The following SDK2 variants were observed in gnomAD, a reference collection of about 807,000 sequenced individuals.
SDK2 encodes protein sidekick-2.
Under a neutral mutation model 253.9 loss-of-function variants are expected in SDK2, and 105 were observed. That is an observed-to-expected ratio of 0.41 (90% CI 0.35 to 0.49). The LOEUF (loss-of-function observed/expected upper bound fraction) is 0.49, where lower values mean the gene tolerates loss of function less well. Among genes scored for constraint, SDK2 ranks in the 20% least tolerant of loss-of-function variants. The pLI, the probability that SDK2 is intolerant of heterozygous loss-of-function variation, is 0.06. For missense variants in SDK2, 2,608 were observed against 3,003.0 expected (o/e 0.87, Z 3.07); for synonymous variants, 1,249 against 1,234.9 (o/e 1.01, Z -0.24).
At chr17:73,494,144 C>T (rs1453862057) in intron 2 of SDK2, among the ~76,000 whole-genome samples, 3 of 152,212 alleles carry the variant, frequency 2.0e-5, no homozygotes, top group South Asian at 4.1e-4. Flanking sequence ...ACCTTTGCCT[C>T]TGATCACGCC....
At position 73,419,280 on chromosome 17, in the gene SDK2, G is replaced by A. The variant is rs756473256; in HGVS notation, c.2072C>T (p.Thr691Met). The A allele has an allele frequency of 8.7e-6, 14 of 1,612,860 alleles. No homozygotes were observed. Among genetic ancestry groups the A allele is most frequent in the Middle Eastern group, 1.7e-4 (1 of 6,060 alleles). Residue 691 changes from threonine to methionine, a missense_variant, in exon 16 of 45, where the codon ACG (threonine) becomes ATG (methionine). By Grantham distance (81) the Thr-to-Met change is moderately conservative. Around this residue, in one of 2 missense-constraint regions of SDK2, gnomAD observed 1,505 missense variants for 1,859.1 expected, o/e 0.81. Transcript: ENST00000392650. ...GGCGATGACGTTCTGTGGAGGGGCC[G>A]TGGGGGGCTCCTCGGGGAGGGAGAC... ...ERVSLPEEPP[T>M]APPQNVIASG... is the part of the protein sequence containing the mutation.
intron 36 of SDK2, among the ~76,000 whole-genome samples, chr17:73,376,672 A>C (rs1455500370): frequency 6.6e-6 from 1 of 151,834 alleles, no homozygotes; most frequent in Non-Finnish European, 1.5e-5. Flanking sequence ...TCTGTCTATT[A>C]ACTCACCACT....
rs145662298 is a variant in SDK2, at chr17:73,424,057, G to A, written c.1619C>T (p.Thr540Met). The change falls in exon 13 of 45, where the codon ACG becomes ATG. Residue 540 changes from threonine (T) to methionine (M), a missense_variant. By Grantham distance (81) the Thr-to-Met change is moderately conservative (BLOSUM62 -1). This residue lies in a region of SDK2 where 1,505 missense variants were observed against 1,859.1 expected (regional missense o/e 0.81). Transcript: ENST00000392650. ...IWEKDGATLG[T>M]ESHPRIRLDR... ...CAGGCGGATACGAGGATGGCTCTCC[G>A]TGCCCAGGGTGGCCCCGTCCTTCTC... The A allele has an allele frequency of 5.1e-5, 82 of 1,612,878 alleles. No individual in the cohort carries two copies. The African/African-American group carries it at 5.6e-4, about 11-fold the overall frequency.
In SDK2 at chr17:73,391,220, A is replaced by G. The variant is rs542051664; in HGVS notation, c.3997+220T>C. ...ACATTTGGGGACGCAAAGCCAACCC[A>G]TGACTCTTAAGGGACTTCAACTCTG... is the stretch of plus-strand genomic sequence containing the variant. On this transcript the variant is annotated intron_variant, in intron 28 of 44. Transcript: ENST00000392650. 1.8e-4 allele frequency among the ~76,000 whole-genome samples: 28 copies of G among 152,280 alleles called. No individual in the cohort carries two copies. The South Asian group carries it at 5.8e-3, about 32-fold the overall frequency.
chr17:73,342,504 G>C (rs1419419456), intron 44 of SDK2, among the ~76,000 whole-genome samples: 1 of 152,202 alleles, frequency 6.6e-6, no homozygotes, highest in Admixed American at 6.5e-5. Context: ...ATCCCGCCCA[G>C]GAACAGTGAG....
chr17:73,350,677 T>C lies in SDK2; in HGVS notation c.5872A>G (p.Lys1958Glu). The change falls in exon 42 of 45, where the codon AAG (lysine) becomes GAG (glutamate). Residue 1958 changes from lysine to glutamate, a missense_variant. Around this residue, in one of 2 missense-constraint regions of SDK2, gnomAD observed 1,103 missense variants for 1,143.9 expected, o/e 0.96. Coordinates refer to ENST00000392650, the MANE Select transcript of SDK2 (RefSeq NM_001144952.2). ...GAGTCTGTCTTCTTGGCGTACTTCT[T>C]GCTCTGGCCCCGGATGATGAGCACG... is the stretch of plus-strand genomic sequence containing the variant. ...VFVLIIRGQS[K>E]KYAKKTDSGN... 6.2e-7 allele frequency: 1 copy of C among 1,613,142 alleles called. No individual in the cohort carries two copies. Among genetic ancestry groups the C allele is most frequent in the Non-Finnish European group, 8.5e-7 (1 of 1,179,572 alleles).
intron 1 of SDK2, chr17:73,517,039 A>G (rs1306817793): frequency 2.0e-5 from 3 of 152,190 alleles, no homozygotes; most frequent in African/African-American, 7.2e-5. Flanking sequence ...TCCAGCCAAA[A>G]AAGTCACAGA....
chr17:73,539,505 TG>T (rs983752032), intron 1 of SDK2, among the ~76,000 whole-genome samples: 1 of 15,794 alleles, frequency 6.3e-5, no homozygotes, highest in African/African-American at 2.7e-4. Context: ...GAGAGGGAGC[TG>T]GGGGGTGGTG....
At chr17:73,560,098 A>T (rs1382260227) in intron 1 of SDK2, among the ~76,000 whole-genome samples, 3 of 152,208 alleles carry the variant, frequency 2.0e-5, no homozygotes, top group Non-Finnish European at 4.4e-5. Context: ...ACCCGCACAC[A>T]GAGCCAGGTT....
rs113163529 is a variant in SDK2 at position 73,534,896 on chromosome 17, C to A, written c.65-27299G>T. Among the ~76,000 whole-genome samples, 1 of 152,170 alleles carries A rather than the reference C, an allele frequency of 6.6e-6. No homozygotes were observed. On this transcript the variant is annotated intron_variant, in intron 1 of 44. Coordinates refer to ENST00000392650, the MANE Select transcript of SDK2 (RefSeq NM_001144952.2). The surrounding 1 kb of genome is among the most constrained non-coding windows in gnomAD (Gnocchi z 4.9). ...GTGGGGATACTGGATACTCTGCGAT[C>A]GGCCGATCAGCCCGCTACTGGGTCT...
rs537249521 is a variant in SDK2 at position 73,542,619 on chromosome 17, G to T, written c.65-35022C>A. On this transcript the variant is annotated intron_variant, in intron 1 of 44. Transcript: ENST00000392650. The stretch of plus-strand genomic sequence containing the variant: ...CTCAACGAGGAGGGGTGGAGGCAGG[G>T]CAGGATTATGAGGCAGCAAGGGGAG... Among the ~76,000 whole-genome samples, 7 of 152,268 alleles carry T rather than the reference G, an allele frequency of 4.6e-5. No homozygotes were observed. The East Asian group carries it at 1.2e-3, about 25-fold the overall frequency.
chr17:73,370,962 G>A (rs1450083177), intron 36 of SDK2, among the ~76,000 whole-genome samples: 2 of 152,056 alleles, frequency 1.3e-5, no homozygotes, highest in Non-Finnish European at 2.9e-5. Context: ...TACTTGGGAG[G>A]CTGAGGCAGG....
At chr17:73,393,284 G>T (rs143271559) in intron 27 of SDK2, among the ~76,000 whole-genome samples, 1 of 151,552 alleles carries the variant, frequency 6.6e-6, no homozygotes, top group South Asian at 2.1e-4. Context: ...ATTAAAACGG[G>T]TGCAAGTCCC....
chr17:73,339,143 C>T (rs905046410), intron 44 of SDK2, among the ~76,000 whole-genome samples: 2 of 152,112 alleles, frequency 1.3e-5, no homozygotes, highest in South Asian at 2.1e-4. Context: ...ACAGCAGATC[C>T]GGAACCGGAA....
chr17:73,374,833 T>C (rs1404619277), intron 36 of SDK2, among the ~76,000 whole-genome samples: 2 of 152,282 alleles, frequency 1.3e-5, no homozygotes, highest in East Asian at 3.9e-4. Context: ...CTTCTCACTC[T>C]GCTCTCACCT....
At chr17:73,519,324 T>C (rs1486021548) in intron 1 of SDK2, 1 of 152,304 alleles carries the variant, frequency 6.6e-6, no homozygotes, top group African/African-American at 2.4e-5. Flanking sequence ...TGGGGGAAGA[T>C]GGGAGCTAGG....
intron 36 of SDK2, chr17:73,369,011 C>CA (rs56761775): frequency 0.15 from 38,914 of 254,192 alleles, 3,068 homozygotes; most frequent in African/African-American, 0.39. Context: ...GACTCCATCT[C>CA]AAAAAAAAAA....
intron 1 of SDK2, among the ~76,000 whole-genome samples, chr17:73,543,745 C>A (rs1041676474): frequency 1.3e-5 from 2 of 152,230 alleles, no homozygotes; most frequent in African/African-American, 4.8e-5. Flanking sequence ...CAGCTTCCAA[C>A]TAGGAGAGGC....
At chr17:73,355,176 T>TATATATATATATATATATATATA (rs1568363071) in intron 40 of SDK2, among the ~76,000 whole-genome samples, 1 of 5,784 alleles carries the variant, frequency 1.7e-4, no homozygotes, top group South Asian at 6.9e-3. Context: ...ATATATATAT[T>TATATATATATATATATATATATA]TTTTTTTTTT....
Sources: allele counts gnomAD v4.1 joint callset (sites outside exome capture counted in the v4.1 genomes callset), GRCh38; gene constraint gnomAD v4.1.1; regional missense constraint gnomAD v4.1.1; non-coding constraint Gnocchi (gnomAD v3.1); transcripts MANE v1.5; gene names NCBI Gene and HGNC (gene_info 2026-07-23, HGNC 2026-07-21).